Variants in SNED1 observed in about 807,000 individuals in gnomAD.
SNED1 encodes the protein sushi, nidogen and EGF-like domain-containing protein 1.
In SNED1, 81 loss-of-function variants were observed where a neutral mutation model predicts 166.7. The observed-to-expected ratio is 0.49, with a 90% CI of 0.41 to 0.58. The LOEUF (loss-of-function observed/expected upper bound fraction) is 0.58. Ranked by LOEUF, SNED1 falls within the 20% of genes least tolerant of loss-of-function variation. The pLI is 0.00. For synonymous variants in SNED1, 762 were observed against 822.0 expected (o/e 0.93, Z 1.25); for missense variants, 1,604 against 2,000.2 (o/e 0.80, Z 3.78).
chr2:241,049,386 C>T (rs2061760463), intron 11 of SNED1, among the ~76,000 whole-genome samples: 1 of 152,222 alleles, frequency 6.6e-6, no homozygotes, highest in African/African-American at 2.4e-5. Flanking sequence ...GGTATCTTAC[C>T]TAAGCCCCAA....
In SNED1 at chr2:241,033,797, T is replaced by C. The variant is rs374664343; in HGVS notation, c.564T>C (p.Tyr188=). ...AGCTCTCCTTCACCATCTTCAACTATGAGTCCATCGTGTGGACCACAGGCA... is the reference window on the plus strand; with the variant it reads ...AGCTCTCCTTCACCATCTTCAACTACGAGTCCATCGTGTGGACCACAGGCA... ...DGKLSFTIFN[Y]ESIVWTTGTH... The change falls in exon 3 of 32, where the codon TAT becomes TAC. Residue 188 remains tyrosine, a synonymous_variant. Transcript: ENST00000310397. 74 of 1,611,454 alleles carry C rather than the reference T, an allele frequency of 4.6e-5. No homozygotes were observed. In the Middle Eastern group the frequency reaches 4.9e-4, roughly 11 times the overall value.
At chr2:241,090,451 T>C (rs1186646658) in intron 31 of SNED1, 2 of 1,536,144 alleles carry the variant, frequency 1.3e-6, no homozygotes, top group Non-Finnish European at 1.8e-6. Flanking sequence ...GAGTACACTC[T>C]AAAATAATGA....
At chr2:241,071,361 G>T in intron 24 of SNED1, 1 of 605,798 alleles carries the variant, frequency 1.7e-6, no homozygotes, top group Non-Finnish European at 2.9e-6. Context: ...GCTGCGCATG[G>T]CTCCTCCTCA....
At chr2:241,046,289 C>A (rs994144310) in intron 8 of SNED1, among the ~76,000 whole-genome samples, 2 of 152,198 alleles carry the variant, frequency 1.3e-5, no homozygotes, top group African/African-American at 4.8e-5. Flanking sequence ...TATGCCCCAG[C>A]AATCCCACTC....
In SNED1 at chr2:241,064,064, C is replaced by CGCGCG. The variant is rs1559284298; in HGVS notation, c.2539_2540insCGCGG (p.Gly847AlafsTer23). The CGCGCG allele has an allele frequency of 6.4e-7, 1 of 1,569,524 alleles. No individual in the cohort carries two copies. The highest frequency in any genetic ancestry group is 2.4e-5 in the East Asian group (1 of 42,086). ...GCCAGCATGGAGGCCGGTGTGAGAG[C>CGCGCG]GGCGGCGGGGCCTACCTGTGCGTCT... On this transcript the variant is annotated frameshift_variant, in exon 19 of 32. Transcript: ENST00000310397. LOFTEE classifies it high-confidence loss of function. The surrounding 1 kb of genome is among the most constrained non-coding windows in gnomAD (Gnocchi z 7.0).
chr2:241,045,354 T>C (rs1352742771), intron 8 of SNED1, among the ~76,000 whole-genome samples: 1 of 152,196 alleles, frequency 6.6e-6, no homozygotes, highest in Non-Finnish European at 1.5e-5. Flanking sequence ...AAAACAATTT[T>C]GATGAAGAAT....
chr2:240,998,723 C>G lies in SNED1; in HGVS notation c.-115C>G, dbSNP rs954866587. 7 of 272,638 alleles carry G rather than the reference C, an allele frequency of 2.6e-5. No individual in the cohort carries two copies. Among genetic ancestry groups the G allele is most frequent in the African/African-American group, 1.4e-4 (6 of 43,178 alleles). 16.9% of individuals were successfully genotyped at this position (272,638 alleles called of 1,614,324 possible). Reference sequence around the variant, plus strand: ...GCGGAGCCCCCGACGGCGCGGCCAGCGGGCGCGCCCGCGCTCCCCGCACCC... The same window carrying G: ...GCGGAGCCCCCGACGGCGCGGCCAGGGGGCGCGCCCGCGCTCCCCGCACCC... On this transcript the variant is annotated 5_prime_UTR_variant, in exon 1 of 32. Transcript: ENST00000310397.
At chr2:241,038,086 G>A (rs953074355) in intron 6 of SNED1, among the ~76,000 whole-genome samples, 1 of 136,010 alleles carries the variant, frequency 7.4e-6, no homozygotes, top group Non-Finnish European at 1.6e-5. Context: ...CCCAATTCCT[G>A]CTCTCCATCT....
chr2:241,050,604 T>C (rs2061807743), intron 12 of SNED1, among the ~76,000 whole-genome samples: 1 of 152,176 alleles, frequency 6.6e-6, no homozygotes, highest in African/African-American at 2.4e-5. Flanking sequence ...GACCCTGAAG[T>C]CTGAGCCCTG....
chr2:241,007,203 A>C (rs985871807), intron 1 of SNED1, among the ~76,000 whole-genome samples: 5 of 152,218 alleles, frequency 3.3e-5, no homozygotes, highest in Non-Finnish European at 7.3e-5. Flanking sequence ...TTTAGGGTGC[A>C]GAGGGTCATG....
At chr2:241,033,447 A>G in intron 2 of SNED1, 1 of 352,602 alleles carries the variant, frequency 2.8e-6, no homozygotes, top group South Asian at 6.1e-5. Flanking sequence ...AGGGCAGGGG[A>G]CAGTGTCTGC....
chr2:241,011,661 T>G (rs1215974372), intron 1 of SNED1, among the ~76,000 whole-genome samples: 1 of 152,338 alleles, frequency 6.6e-6, no homozygotes, highest in African/African-American at 2.4e-5. Flanking sequence ...TGTCACTTTT[T>G]GGGAAGTAGC....
chr2:241,005,286 C>A (rs1170788527), intron 1 of SNED1, among the ~76,000 whole-genome samples: 1 of 152,132 alleles, frequency 6.6e-6, no homozygotes, highest in African/African-American at 2.4e-5. Context: ...TCACTGCAAC[C>A]TCTGCCTCCC....
chr2:241,059,051 G>A lies in SNED1; in HGVS notation c.2258-3740G>A, dbSNP rs570298037. 5.2e-4 allele frequency among the ~76,000 whole-genome samples: 79 copies of A among 152,218 alleles called. 1 individual carries two copies. In the South Asian group the frequency reaches 0.015, roughly 29 times the overall value. Reference sequence around the variant, plus strand: ...AAAATAGAAAAGGAGATCCTACCTCGTGTTTACAGTGGAGTCCTTTAAACA... The same window carrying A: ...AAAATAGAAAAGGAGATCCTACCTCATGTTTACAGTGGAGTCCTTTAAACA... On this transcript the variant is annotated intron_variant, in intron 16 of 31. Transcript: ENST00000310397.
chr2:241,027,015 C>T (rs1367925467), intron 1 of SNED1, among the ~76,000 whole-genome samples: 1 of 152,040 alleles, frequency 6.6e-6, no homozygotes, highest in African/African-American at 2.4e-5. Flanking sequence ...GTCTTTCTGA[C>T]TGGCTTATTT....
At chr2:241,020,456 CAGT>C (rs944642443) in intron 1 of SNED1, among the ~76,000 whole-genome samples, 7 of 152,254 alleles carry the variant, frequency 4.6e-5, no homozygotes, top group Non-Finnish European at 8.8e-5. Context: ...CCCGCAGAGC[CAGT>C]GGCTCACGTC....
In SNED1 at chr2:241,063,637, A is replaced by G; in HGVS notation, c.2422A>G (p.Asn808Asp). 1 of 1,612,474 alleles carries G rather than the reference A, an allele frequency of 6.2e-7. No homozygotes were observed. Among genetic ancestry groups the G allele is most frequent in the Non-Finnish European group, 8.5e-7 (1 of 1,179,396 alleles). The change falls in exon 18 of 32, where the codon AAC becomes GAC. Residue 808 changes from asparagine (N) to aspartate (D), a missense_variant. By Grantham distance (23) the Asn-to-Asp change is conservative. Around this residue, in one of 2 missense-constraint regions of SNED1, gnomAD observed 1,237 missense variants for 1,620.8 expected, o/e 0.76. Transcript: ENST00000310397. Reference sequence around the variant, plus strand: ...GTGCAGAAATGGAGGGTCCTGCAGGAACCTCCCAGGGGCCTATGTCTGCCG... The same window carrying G: ...GTGCAGAAATGGAGGGTCCTGCAGGGACCTCCCAGGGGCCTATGTCTGCCG... ...HPCRNGGSCR[N>D]LPGAYVCRCP...
At position 241,070,114 on chromosome 2, in the gene SNED1, C is replaced by G. The variant is rs201532756; in HGVS notation, c.3502C>G (p.Arg1168Gly). ...CACGGTGCGCGACCTGCTGCCGGGACGGCGGTACCAGCTCTCTGTGATAGC... is the reference window on the plus strand; with the variant it reads ...CACGGTGCGCGACCTGCTGCCGGGAGGGCGGTACCAGCTCTCTGTGATAGC... Reference protein sequence around the residue: ...SYTVRDLLPGRRYQLSVIAVQ... With the variant: ...SYTVRDLLPGGRYQLSVIAVQ... Residue 1168 changes from arginine to glycine, a missense_variant, in exon 24 of 32, where the codon CGG (arginine) becomes GGG (glycine). This residue lies in a region of SNED1 where 367 missense variants were observed against 379.4 expected (regional missense o/e 0.97). Transcript: ENST00000310397. 1.2e-6 allele frequency: 2 copies of G among 1,612,674 alleles called. No individual in the cohort carries two copies. Among genetic ancestry groups the G allele is most frequent in the Non-Finnish European group, 1.7e-6 (2 of 1,179,854 alleles).
At chr2:241,026,018 T>TTTTTTTTTTTTTTG (rs1281646202) in intron 1 of SNED1, among the ~76,000 whole-genome samples, 1 of 123,150 alleles carries the variant, frequency 8.1e-6, no homozygotes, top group African/African-American at 3.1e-5. Context: ...CCTTTTTTTT[T>TTTTTTTTTTTTTTG]TTTTTTTTTT....
Sources: gnomAD v4.1 joint callset for allele counts (sites outside exome capture counted in the v4.1 genomes callset) on GRCh38, gnomAD v4.1.1 for gene constraint, gnomAD v4.1.1 regional missense constraint, Gnocchi (gnomAD v3.1) non-coding constraint, MANE v1.5 for transcripts, NCBI Gene and HGNC (gene_info 2026-07-23, HGNC 2026-07-21) for gene names.